SIPA1L2: variants seen among roughly 807,000 people sequenced by gnomAD.
SIPA1L2 encodes signal induced proliferation associated 1 like 2.
SIPA1L2 carries 56 observed loss-of-function variants against 163.9 expected under a neutral mutation model. That is an observed-to-expected ratio of 0.34 (90% CI 0.28 to 0.43). The LOEUF (loss-of-function observed/expected upper bound fraction) is 0.43, where lower values mean the gene tolerates loss of function less well. SIPA1L2 is among the 20% of genes least tolerant of loss of function. The pLI is 1.00. For missense variants in SIPA1L2, 1,974 were observed against 2,193.5 expected (o/e 0.90, Z 2.00); for synonymous variants, 877 against 865.7 (o/e 1.01, Z -0.23).
At chr1:232,580,568 A>T (rs1660321689) in intron 1 of SIPA1L2, among the ~76,000 whole-genome samples, 1 of 152,188 alleles carries the variant, frequency 6.6e-6, no homozygotes, top group Admixed American at 6.5e-5. Context: ...TGATGACAGG[A>T]CAGGTTATGG....
At chr1:232,495,781 T>G (rs116636798) in intron 3 of SIPA1L2, among the ~76,000 whole-genome samples, 1 of 152,242 alleles carries the variant, frequency 6.6e-6, no homozygotes, top group Non-Finnish European at 1.5e-5. Context: ...GTTACAGATG[T>G]CATTACATGG....
At chr1:232,527,953 T>C (rs1667792763) in intron 2 of SIPA1L2, among the ~76,000 whole-genome samples, 1 of 150,830 alleles carries the variant, frequency 6.6e-6, no homozygotes, top group African/African-American at 2.4e-5. Flanking sequence ...GGGAAATTAC[T>C]GCTTTCTTTG....
At chr1:232,525,505 C>T (rs1248559822) in intron 2 of SIPA1L2, among the ~76,000 whole-genome samples, 1 of 151,422 alleles carries the variant, frequency 6.6e-6, no homozygotes, top group Non-Finnish European at 1.5e-5. Flanking sequence ...ATCTGCCCGC[C>T]TTGGCCTCCC....
intron 10 of SIPA1L2, among the ~76,000 whole-genome samples, chr1:232,449,289 T>C (rs897671333): frequency 6.7e-5 from 10 of 150,320 alleles, no homozygotes; most frequent in East Asian, 3.9e-4. Context: ...GGGGCCGAGG[T>C]GGGCGGATCA....
In SIPA1L2 at chr1:232,487,919, TACACACACACACACACACAC is replaced by T. The variant is rs5781699; in HGVS notation, c.1806+2935_1806+2954del. Among the ~76,000 whole-genome samples the T allele has an allele frequency of 4.2e-5, 6 of 144,302 alleles. No homozygotes were observed. The East Asian group carries it at 1.0e-3, about 25-fold the overall frequency. 94.7% of individuals were successfully genotyped at this position (144,302 alleles called of 152,430 possible). A position where few individuals can be genotyped will look rare whatever the true frequency, so the allele number is the denominator to read the frequency against. Reference sequence around the variant, plus strand: ...AAACTAACAATATATGTAATTAGGTTACACACACACACACACACACACACACACACACACACGCACACATA... The same window carrying T: ...AAACTAACAATATATGTAATTAGGTTACACACACACACACACGCACACATA... On this transcript the variant is annotated intron_variant, in intron 5 of 22. Transcript: ENST00000674635.
At chr1:232,621,198 A>C (rs1662790882) in intron 1 of SIPA1L2, among the ~76,000 whole-genome samples, 1 of 152,198 alleles carries the variant, frequency 6.6e-6, no homozygotes, top group African/African-American at 2.4e-5. Context: ...ACAAATTACA[A>C]AATTTCTAGT....
intron 2 of SIPA1L2, among the ~76,000 whole-genome samples, chr1:232,528,736 T>A (rs1031844514): frequency 5.3e-5 from 8 of 152,214 alleles, no homozygotes; most frequent in African/African-American, 1.9e-4. Flanking sequence ...GTTACCCATA[T>A]AACCCAAGGA....
intron 2 of SIPA1L2, among the ~76,000 whole-genome samples, chr1:232,526,746 G>A (rs1319688840): frequency 6.6e-6 from 1 of 152,150 alleles, no homozygotes; most frequent in Non-Finnish European, 1.5e-5. Flanking sequence ...GGTGGGCCTA[G>A]GCAGCAAGTC....
Position 232,439,247 on chromosome 1 carries a change from C to A in SIPA1L2, c.3892G>T (p.Ala1298Ser), listed in dbSNP as rs376696486. The change falls in exon 15 of 23, where the codon GCT (alanine) becomes TCT (serine). Residue 1298 changes from alanine to serine, a missense_variant. Ala to Ser is a moderately conservative substitution (Grantham distance 99). Around this residue, in one of 3 missense-constraint regions of SIPA1L2, gnomAD observed 1,079 missense variants for 1,150.7 expected, o/e 0.94. Coordinates refer to ENST00000674635, the MANE Select transcript of SIPA1L2 (RefSeq NM_020808.5). ...GGCCCAGAGACGTCGGCAGCATCAG[C>A]CCACTGCTCGGCCCGGCTGTGGATC... Reference protein sequence around the residue: ...SLIHSRAEQWADAADVSGPDD... With the variant: ...SLIHSRAEQWSDAADVSGPDD... 6.2e-7 allele frequency: 1 copy of A among 1,613,948 alleles called. No homozygotes were observed. The highest frequency in any genetic ancestry group is 1.3e-5 in the African/African-American group (1 of 74,944).
At chr1:232,569,290 C>T (rs868460879) in intron 2 of SIPA1L2, among the ~76,000 whole-genome samples, 1 of 152,176 alleles carries the variant, frequency 6.6e-6, no homozygotes, top group South Asian at 2.1e-4. Context: ...ATCATCTAAA[C>T]ATGTTATATA....
Position 232,432,453 on chromosome 1 carries a change from T to A in SIPA1L2, c.4050A>T (p.Gly1350=). ...TTTTTGAACAGTGAGCTGAAGGGCT[T>A]CCTGAATGGTGAGAACCACTGAGGA... The part of the protein sequence containing the change: ...SSHSSGSHHS[G]SPSAHCSKSS... Residue 1350 remains glycine (G), a synonymous_variant, in exon 16 of 23, where the codon GGA becomes GGT. Transcript: ENST00000674635. 1 of 1,614,202 alleles carries A rather than the reference T, an allele frequency of 6.2e-7. No homozygotes were observed. The highest frequency in any genetic ancestry group is 1.1e-5 in the South Asian group (1 of 91,084).
At chr1:232,504,948 T>C (rs1257422494) in intron 3 of SIPA1L2, among the ~76,000 whole-genome samples, 1 of 152,120 alleles carries the variant, frequency 6.6e-6, no homozygotes, top group Non-Finnish European at 1.5e-5. Context: ...AAAAAATTCA[T>C]GCAAAGGTTT....
At chr1:232,600,391 G>A (rs921167728) in intron 1 of SIPA1L2, among the ~76,000 whole-genome samples, 1 of 151,980 alleles carries the variant, frequency 6.6e-6, no homozygotes, top group Non-Finnish European at 1.5e-5. Context: ...TTTTTCATCA[G>A]GTATTTTTAA....
At chr1:232,583,548 T>C (rs1251856823) in intron 1 of SIPA1L2, among the ~76,000 whole-genome samples, 1 of 152,140 alleles carries the variant, frequency 6.6e-6, no homozygotes, top group African/African-American at 2.4e-5. Context: ...TGAATAAAGC[T>C]CTAACTTAAT....
intron 19 of SIPA1L2, among the ~76,000 whole-genome samples, chr1:232,406,000 G>T (rs1660613720): frequency 6.6e-6 from 1 of 152,158 alleles, no homozygotes; most frequent in Non-Finnish European, 1.5e-5. Context: ...CTAGAGTTTT[G>T]CCAGCAATGT....
intron 10 of SIPA1L2, among the ~76,000 whole-genome samples, chr1:232,448,825 C>T (rs1030082413): frequency 3.3e-5 from 5 of 152,154 alleles, no homozygotes; most frequent in South Asian, 2.1e-4. Flanking sequence ...GTCCACACAG[C>T]GCCTGGCCTA....
At chr1:232,491,684 A>G (rs543481119) in intron 4 of SIPA1L2, among the ~76,000 whole-genome samples, 10 of 152,176 alleles carry the variant, frequency 6.6e-5, no homozygotes, top group African/African-American at 2.4e-4. Context: ...CTAAGATCTA[A>G]TATGATGAGA....
chr1:232,512,480 T>A (rs1361833191), intron 3 of SIPA1L2, among the ~76,000 whole-genome samples: 2 of 152,100 alleles, frequency 1.3e-5, no homozygotes, highest in African/African-American at 4.8e-5. Context: ...CCAATGCCCA[T>A]CAATGATAGA....
At chr1:232,428,618 G>A in intron 16 of SIPA1L2, 54 bp from the exon 17 acceptor site, 2 of 1,364,060 alleles carry the variant, frequency 1.5e-6, no homozygotes, top group Non-Finnish European at 1.9e-6. Context: ...TGCCTGTAGT[G>A]GTAAGAATTA....
Sources: allele counts gnomAD v4.1 joint callset (sites outside exome capture counted in the v4.1 genomes callset), GRCh38; gene constraint gnomAD v4.1.1; regional missense constraint gnomAD v4.1.1; transcripts MANE v1.5; gene names NCBI Gene and HGNC (gene_info 2026-07-23, HGNC 2026-07-21).